The following CNTLN variants were observed in gnomAD, a reference collection of about 807,000 sequenced individuals.
CNTLN encodes the protein centlein, centrosomal protein.
Under a neutral mutation model 180.0 loss-of-function variants are expected in CNTLN, and 212 were observed. That is an observed-to-expected ratio of 1.18 (90% CI 1.05 to 1.32). The LOEUF is 1.32. Among genes scored for constraint, CNTLN ranks in the 40% most tolerant of loss-of-function variants. The pLI is 0.00. For missense variants in CNTLN, 2,095 were observed against 1,610.9 expected, an observed-to-expected ratio of 1.30 and a Z score of -5.14; for synonymous variants, 722 against 563.1, an observed-to-expected ratio of 1.28 and a Z score of -3.99.
chr9:17,488,151 C>T (rs558913225), intron 25 of CNTLN, among the ~76,000 whole-genome samples: 66 of 151,812 alleles, frequency 4.3e-4, no homozygotes, highest in Non-Finnish European at 7.1e-4. Flanking sequence ...TTAGTAAAGT[C>T]GAGAATAAAT....
intron 10 of CNTLN, among the ~76,000 whole-genome samples, chr9:17,337,725 A>G (rs1013978688): frequency 6.6e-6 from 1 of 152,192 alleles, no homozygotes; most frequent in Non-Finnish European, 1.5e-5. Flanking sequence ...TTGAGGCAGT[A>G]CTGAAAAATC....
chr9:17,430,735 C>G (rs1215374184), intron 18 of CNTLN, among the ~76,000 whole-genome samples: 2 of 152,112 alleles, frequency 1.3e-5, no homozygotes, highest in Non-Finnish European at 2.9e-5. Flanking sequence ...TGGTAACCAC[C>G]ATTCTACTCA....
intron 15 of CNTLN, among the ~76,000 whole-genome samples, chr9:17,400,849 C>G (rs1301988882): frequency 6.6e-6 from 1 of 152,016 alleles, no homozygotes; most frequent in Non-Finnish European, 1.5e-5. Flanking sequence ...ACAGTGTAGT[C>G]TCACATAACA....
chr9:17,166,029 A>G (rs190722894), intron 2 of CNTLN, among the ~76,000 whole-genome samples: 2 of 152,370 alleles, frequency 1.3e-5, no homozygotes, highest in African/African-American at 4.8e-5. Context: ...GAAACAAATG[A>G]TCATAAGACA....
intron 25 of CNTLN, among the ~76,000 whole-genome samples, chr9:17,501,704 T>C (rs1245175788): frequency 6.6e-6 from 1 of 152,210 alleles, no homozygotes; most frequent in Non-Finnish European, 1.5e-5. Context: ...CTATCCCTGG[T>C]TGATCTAAAG....
At chr9:17,259,400 C>T (rs1826770934) in intron 5 of CNTLN, among the ~76,000 whole-genome samples, 1 of 134,162 alleles carries the variant, frequency 7.5e-6, no homozygotes, top group Admixed American at 7.3e-5. Flanking sequence ...AGGATTTTTG[C>T]ATCAATGTTC....
At chr9:17,274,991 T>A (rs1828218123) in intron 6 of CNTLN, among the ~76,000 whole-genome samples, 1 of 152,072 alleles carries the variant, frequency 6.6e-6, no homozygotes, top group South Asian at 2.1e-4. Flanking sequence ...ATCATAAGGG[T>A]GAGGAAAAGT....
intron 2 of CNTLN, among the ~76,000 whole-genome samples, chr9:17,224,857 C>CCCCCA (rs1204984937): frequency 6.6e-6 from 1 of 151,732 alleles, no homozygotes; most frequent in Non-Finnish European, 1.5e-5. Context: ...TTGACTTGAA[C>CCCCCA]TAGTATGTCA....
chr9:17,501,967 A>T (rs1449262503), intron 25 of CNTLN, among the ~76,000 whole-genome samples: 1 of 152,236 alleles, frequency 6.6e-6, no homozygotes, highest in Non-Finnish European at 1.5e-5. Context: ...TATGAAATTT[A>T]AAAATGTAGT....
At chr9:17,267,829 A>G (rs1252592019) in intron 5 of CNTLN, among the ~76,000 whole-genome samples, 1 of 152,150 alleles carries the variant, frequency 6.6e-6, no homozygotes, top group Non-Finnish European at 1.5e-5. Flanking sequence ...AGTTGATCGC[A>G]TCGGCTAATG....
At chr9:17,342,237 A>C in intron 11 of CNTLN, 88 bp from the exon 12 acceptor site, 1 of 1,328,810 alleles carries the variant, frequency 7.5e-7, no homozygotes. Context: ...TGGTCAATAG[A>C]TATTTTTAAA....
At chr9:17,211,590 A>C (rs1297257678) in intron 2 of CNTLN, among the ~76,000 whole-genome samples, 1 of 152,166 alleles carries the variant, frequency 6.6e-6, no homozygotes, top group Non-Finnish European at 1.5e-5. Flanking sequence ...AATTCTGTGA[A>C]GAAAGTCATT....
chr9:17,330,187 C>T (rs774729078), intron 8 of CNTLN, among the ~76,000 whole-genome samples: 9 of 152,028 alleles, frequency 5.9e-5, no homozygotes, highest in Non-Finnish European at 1.2e-4. Flanking sequence ...AATTAGTTTA[C>T]AGTAAAAGCT....
chr9:17,158,888 A>T (rs892647455), intron 2 of CNTLN, among the ~76,000 whole-genome samples: 2 of 150,806 alleles, frequency 1.3e-5, no homozygotes, highest in Non-Finnish European at 3.0e-5. Context: ...AATTTTTATT[A>T]TTTCCTTCAT....
intron 2 of CNTLN, among the ~76,000 whole-genome samples, chr9:17,159,322 C>T (rs544399349): frequency 1.3e-5 from 2 of 152,234 alleles, no homozygotes; most frequent in East Asian, 3.9e-4. Context: ...CTTTTCCTTT[C>T]AAGCAAAGTC....
chr9:17,157,774 G>C (rs1485442821), intron 2 of CNTLN, among the ~76,000 whole-genome samples: 1 of 152,102 alleles, frequency 6.6e-6, no homozygotes, highest in Non-Finnish European at 1.5e-5. Flanking sequence ...GTACTTATTT[G>C]TGAATAAGTA....
rs192962800 is a variant in CNTLN, at chr9:17,347,617, C to T, written c.1886+5173C>T. Among the ~76,000 whole-genome samples, 8 of 145,802 alleles carry T rather than the reference C, an allele frequency of 5.5e-5. No individual in the cohort carries two copies. In the Admixed American group the frequency reaches 5.7e-4, roughly 10 times the overall value. On this transcript the variant is annotated intron_variant, in intron 12 of 25. Transcript: ENST00000380647. ...CCAGGAGGTGGAGGTTGCAGTGAACCGAGATCATGCCATTGCACTCCAACC... is the reference window on the plus strand; with the variant it reads ...CCAGGAGGTGGAGGTTGCAGTGAACTGAGATCATGCCATTGCACTCCAACC...
At chr9:17,493,269 T>G (rs1481041036) in intron 25 of CNTLN, among the ~76,000 whole-genome samples, 3 of 152,184 alleles carry the variant, frequency 2.0e-5, no homozygotes, top group Non-Finnish European at 4.4e-5. Context: ...TTAAAAAATC[T>G]AAAGTAGGAT....
the CNTLN span, among the ~76,000 whole-genome samples, chr9:17,511,583 T>C: frequency 5.9e-5 from 9 of 152,020 alleles, no homozygotes; most frequent in African/African-American, 2.2e-4. Context: ...TTGGAGTCTG[T>C]CCTCAGTCCT....
Sources: gnomAD v4.1 joint callset for allele counts (sites outside exome capture counted in the v4.1 genomes callset) on GRCh38, gnomAD v4.1.1 for gene constraint, MANE v1.5 for transcripts, NCBI Gene and HGNC (gene_info 2026-07-23, HGNC 2026-07-21) for gene names.